PPFIBP1: variants seen among roughly 807,000 people sequenced by gnomAD.
PPFIBP1 encodes the protein PPFIB scaffold protein 1.
PPFIBP1 carries 112 observed loss-of-function variants against 137.8 expected under a neutral mutation model. The observed-to-expected ratio is 0.81, with a 90% CI of 0.70 to 0.95. The LOEUF (loss-of-function observed/expected upper bound fraction) is 0.95. Ranked by LOEUF, PPFIBP1 falls within the 40% of genes least tolerant of loss-of-function variation. PPFIBP1 has a pLI of 0.00. For synonymous variants in PPFIBP1, 378 were observed against 417.3 expected (o/e 0.91, Z 1.15); for missense variants, 1,083 against 1,196.6 (o/e 0.91, Z 1.40).
intron 2 of PPFIBP1, among the ~76,000 whole-genome samples, chr12:27,632,492 A>C (rs945351316): frequency 5.3e-5 from 8 of 152,196 alleles, no homozygotes; most frequent in African/African-American, 1.9e-4. Flanking sequence ...CAATGACCAA[A>C]GTTTTTGCAA....
intron 2 of PPFIBP1, among the ~76,000 whole-genome samples, chr12:27,589,250 C>T (rs537013229): frequency 1.1e-4 from 16 of 152,252 alleles, no homozygotes; most frequent in African/African-American, 3.4e-4. Context: ...TCTAGGAAAT[C>T]GTCTATAACT....
At chr12:27,563,811 T>C (rs1446251472) in intron 1 of PPFIBP1, among the ~76,000 whole-genome samples, 2 of 151,982 alleles carry the variant, frequency 1.3e-5, no homozygotes, top group Admixed American at 1.3e-4. Context: ...TAAAGGGACT[T>C]AAGGAATATG....
At chr12:27,605,626 A>C (rs1483916837) in intron 2 of PPFIBP1, among the ~76,000 whole-genome samples, 1 of 152,146 alleles carries the variant, frequency 6.6e-6, no homozygotes, top group Non-Finnish European at 1.5e-5. Context: ...ATATTTTTGC[A>C]CTTTACACTT....
intron 11 of PPFIBP1, among the ~76,000 whole-genome samples, chr12:27,661,178 T>C (rs566709819): frequency 6.6e-6 from 1 of 152,304 alleles, no homozygotes; most frequent in African/African-American, 2.4e-5. Context: ...TCAAACTCTC[T>C]GATCAGTTCC....
intron 2 of PPFIBP1, among the ~76,000 whole-genome samples, chr12:27,598,193 C>T (rs2053541358): frequency 6.6e-6 from 1 of 152,128 alleles, no homozygotes; most frequent in South Asian, 2.1e-4. Flanking sequence ...TAAAGACATA[C>T]CCAAGACTGG....
At position 27,669,911 on chromosome 12, in the gene PPFIBP1, A is replaced by G. The variant is rs78721410; in HGVS notation, c.1147-1520A>G. On this transcript the variant is annotated intron_variant, in intron 13 of 29. Coordinates refer to ENST00000228425, the MANE Select transcript of PPFIBP1 (RefSeq NM_003622.4). ...GCTGATCATATGTAGGGTTTTTGAG[A>G]TGGTTGGAGCTCAAGGGTTGGTGGA... 4.3e-3 allele frequency among the ~76,000 whole-genome samples: 647 copies of G among 152,210 alleles called. 30 individuals carry two copies. The East Asian group carries it at 0.11, about 25-fold the overall frequency.
chr12:27,674,767 G>A (rs1040498122), intron 17 of PPFIBP1, among the ~76,000 whole-genome samples: 12 of 145,518 alleles, frequency 8.2e-5, no homozygotes, highest in Non-Finnish European at 1.5e-4. Context: ...ATTTTGGTAT[G>A]TTTAAAGATG....
chr12:27,569,156 A>T (rs2136611671), intron 1 of PPFIBP1, among the ~76,000 whole-genome samples: 1 of 152,292 alleles, frequency 6.6e-6, no homozygotes, highest in Non-Finnish European at 1.5e-5. Flanking sequence ...GATCTTTTTG[A>T]AATTCTAATT....
chr12:27,649,577 ATC>A lies in PPFIBP1; in HGVS notation c.472-429_472-428del, dbSNP rs1163599486. Reference sequence around the variant, plus strand: ...TATTTTATTTTATTTTTGAGATGGAATCTCTGTCTGTTGCCCAGGCTGGAGTG... The same window carrying A: ...TATTTTATTTTATTTTTGAGATGGAATCTGTCTGTTGCCCAGGCTGGAGTG... On this transcript the variant is annotated intron_variant, in intron 6 of 29. Coordinates refer to ENST00000228425, the MANE Select transcript of PPFIBP1 (RefSeq NM_003622.4). 6.6e-5 allele frequency among the ~76,000 whole-genome samples: 10 copies of A among 151,926 alleles called. No individual in the cohort carries two copies. The East Asian group carries it at 1.5e-3, about 23-fold the overall frequency.
At chr12:27,606,611 C>T (rs1592804259) in intron 2 of PPFIBP1, among the ~76,000 whole-genome samples, 1 of 152,132 alleles carries the variant, frequency 6.6e-6, no homozygotes, top group East Asian at 1.9e-4. Flanking sequence ...TTTTGAAGCC[C>T]AGATGTCTGG....
chr12:27,557,449 AT>A (rs2048792254), intron 1 of PPFIBP1, among the ~76,000 whole-genome samples: 2 of 151,920 alleles, frequency 1.3e-5, no homozygotes, highest in South Asian at 4.2e-4. Context: ...GTTAGCCAGG[AT>A]GGTCTCAATC....
chr12:27,648,611 A>G (rs1173850332), intron 6 of PPFIBP1, among the ~76,000 whole-genome samples: 2 of 152,252 alleles, frequency 1.3e-5, no homozygotes, highest in Non-Finnish European at 2.9e-5. Context: ...ATGTCCATCA[A>G]CAAATGACTG....
chr12:27,588,970 C>T (rs1483319167), intron 2 of PPFIBP1, among the ~76,000 whole-genome samples: 1 of 152,114 alleles, frequency 6.6e-6, no homozygotes, highest in Non-Finnish European at 1.5e-5. Context: ...ATGACTGGCT[C>T]CCTCAGTGAA....
chr12:27,526,932 T>C (rs1188609826), intron 1 of PPFIBP1, among the ~76,000 whole-genome samples: 1 of 152,208 alleles, frequency 6.6e-6, no homozygotes, highest in Non-Finnish European at 1.5e-5. Flanking sequence ...AGATCAATAG[T>C]GCCTAATTTC....
intron 1 of PPFIBP1, among the ~76,000 whole-genome samples, chr12:27,540,719 A>T (rs1007587118): frequency 1.3e-5 from 2 of 152,198 alleles, no homozygotes; most frequent in African/African-American, 4.8e-5. Flanking sequence ...TGATGTTCTC[A>T]TATTAGTAGC....
intron 1 of PPFIBP1, among the ~76,000 whole-genome samples, chr12:27,558,967 G>A (rs2048936251): frequency 6.6e-6 from 1 of 151,398 alleles, no homozygotes; most frequent in African/African-American, 2.4e-5. Context: ...TGATCATCCT[G>A]TCTCAGCCTC....
At chr12:27,645,476 G>A (rs955477881) in intron 4 of PPFIBP1, among the ~76,000 whole-genome samples, 3 of 152,112 alleles carry the variant, frequency 2.0e-5, no homozygotes, top group African/African-American at 7.2e-5. Context: ...GGAGGGAGGG[G>A]AAGAAATAGT....
intron 1 of PPFIBP1, among the ~76,000 whole-genome samples, chr12:27,540,797 A>G (rs1321858344): frequency 7.2e-5 from 11 of 152,222 alleles, no homozygotes; most frequent in Non-Finnish European, 1.5e-5. Flanking sequence ...TTATTGAGCT[A>G]AATCATGTTC....
intron 2 of PPFIBP1, among the ~76,000 whole-genome samples, chr12:27,614,005 C>T (rs1440775230): frequency 2.0e-5 from 3 of 152,186 alleles, no homozygotes; most frequent in East Asian, 1.9e-4. Flanking sequence ...GGACTAATCT[C>T]TCTTCCTATC....
Sources: allele counts gnomAD v4.1 joint callset (sites outside exome capture counted in the v4.1 genomes callset), GRCh38; gene constraint gnomAD v4.1.1; transcripts MANE v1.5; gene names NCBI Gene and HGNC (gene_info 2026-07-23, HGNC 2026-07-21).